Variants in TRRAP observed in about 807,000 individuals in gnomAD.
The protein encoded by TRRAP is transformation/transcription domain associated protein.
Under a neutral mutation model 438.8 loss-of-function variants are expected in TRRAP, and 41 were observed. The ratio of observed to expected loss-of-function variants is 0.09; its 90% confidence interval spans 0.07 to 0.12. The LOEUF is 0.12. Among genes scored for constraint, TRRAP ranks in the 10% least tolerant of loss-of-function variants. The probability of loss-of-function intolerance (pLI) is 1.00; values close to 1 mark genes in which losing one functional copy is unlikely to be tolerated. For missense variants in TRRAP, 3,122 were observed against 5,055.1 expected (o/e 0.62, Z 11.60); for synonymous variants, 1,994 against 1,962.9 (o/e 1.02, Z -0.42).
intron 53 of TRRAP, 173 bp from the exon 54 acceptor site, chr7:98,975,976 A>T (rs1792636410): frequency 1.2e-6 from 1 of 842,094 alleles, no homozygotes; most frequent in Admixed American, 3.2e-5. Flanking sequence ...GCTTCCCACC[A>T]CTCAGGATCT....
At chr7:98,918,178 A>G (rs1244768583) in intron 20 of TRRAP, among the ~76,000 whole-genome samples, 1 of 139,686 alleles carries the variant, frequency 7.2e-6, no homozygotes, top group Non-Finnish European at 1.5e-5. Context: ...AATGGACATT[A>G]TTTTGCAGCC....
At chr7:98,990,977 A>AT (rs1171099300) in intron 64 of TRRAP, among the ~76,000 whole-genome samples, 3 of 152,158 alleles carry the variant, frequency 2.0e-5, no homozygotes, top group Non-Finnish European at 2.9e-5. Flanking sequence ...TTTTCCTCTG[A>AT]TTTTTTGTCA....
chr7:98,992,409 C>G (rs111970715), intron 65 of TRRAP, among the ~76,000 whole-genome samples, 182 bp downstream of exon 65: 3 of 152,228 alleles, frequency 2.0e-5, no homozygotes, highest in Non-Finnish European at 4.4e-5. Flanking sequence ...TACAGTCTCT[C>G]TTTTGCCAGG....
At position 99,004,316 on chromosome 7, in the gene TRRAP, G is replaced by T; in HGVS notation, c.10436G>T (p.Cys3479Phe). 1 of 1,614,240 alleles carries T rather than the reference G, an allele frequency of 6.2e-7. No individual in the cohort carries two copies. Among genetic ancestry groups the T allele is most frequent in the Non-Finnish European group, 8.5e-7 (1 of 1,180,048 alleles). ...LPKFFLIEEK[C>F]RFLSNFSAQT... ...AAATTCTTCCTCATAGAGGAAAAGT[G>T]CCGGTTCTTGAGCAATTTCTCGGCA... The change falls in exon 68 of 73, where the codon TGC becomes TTC. Residue 3479 changes from cysteine to phenylalanine, a missense_variant. By Grantham distance (205) the Cys-to-Phe change is radical. Around this residue, in one of 24 missense-constraint regions of TRRAP, gnomAD observed 107 missense variants for 327.5 expected, o/e 0.33. Transcript: ENST00000456197.
chr7:98,882,818 C>T (rs1795515938), intron 3 of TRRAP, among the ~76,000 whole-genome samples: 1 of 151,498 alleles, frequency 6.6e-6, no homozygotes, highest in South Asian at 2.1e-4. Flanking sequence ...TGCACCACAC[C>T]CGGCTGATTT....
intron 58 of TRRAP, 82 bp downstream of exon 58, chr7:98,978,986 A>C: frequency 1.3e-6 from 2 of 1,567,484 alleles, no homozygotes; most frequent in South Asian, 2.3e-5. Context: ...GATTTCCCTT[A>C]GAACAAGCAT....
intron 47 of TRRAP, among the ~76,000 whole-genome samples, chr7:98,962,767 A>G (rs892079319): frequency 2.0e-5 from 3 of 152,196 alleles, no homozygotes; most frequent in Admixed American, 6.5e-5. Flanking sequence ...TTTCACCACC[A>G]GCCTGCCTGT....
At chr7:98,944,892 C>A (rs1043037327) in intron 31 of TRRAP, among the ~76,000 whole-genome samples, 1 of 152,138 alleles carries the variant, frequency 6.6e-6, no homozygotes, top group Non-Finnish European at 1.5e-5. Context: ...GGAGCCTCCA[C>A]CTCCTGGGTT....
intron 23 of TRRAP, among the ~76,000 whole-genome samples, chr7:98,928,083 A>G (rs983131190): frequency 8.5e-5 from 13 of 152,098 alleles, no homozygotes; most frequent in African/African-American, 2.4e-4. Flanking sequence ...TACTAAAAAT[A>G]CCAAATTAGC....
rs1433872387 is a variant in TRRAP, at chr7:98,921,844, T to C, written c.2714T>C (p.Met905Thr). Residue 905 changes from methionine to threonine, a missense_variant, in exon 21 of 73, where the codon ATG (methionine) becomes ACG (threonine). Met to Thr is a moderately conservative substitution (Grantham distance 81). Transcript: ENST00000456197. Reference protein sequence around the residue: ...LGKFGGSNRKMLKESQKLHYV... With the variant: ...LGKFGGSNRKTLKESQKLHYV... ...AAGTTTGGCGGCAGTAACAGGAAGA[T>C]GCTGAAGGAGTCGCAGAAGCTGCAC... 2.5e-5 allele frequency: 40 copies of C among 1,614,078 alleles called. No individual in the cohort carries two copies. Among genetic ancestry groups the C allele is most frequent in the Non-Finnish European group, 3.3e-5 (39 of 1,180,038 alleles).
rs112253894 is a variant in TRRAP at position 99,012,224 on chromosome 7, G to A, written c.11491G>A (p.Ala3831Thr). 4 of 1,614,074 alleles carry A rather than the reference G, an allele frequency of 2.5e-6. No individual in the cohort carries two copies. Among genetic ancestry groups the A allele is most frequent in the Non-Finnish European group, 2.5e-6 (3 of 1,179,980 alleles). ...LVSLVQKAVT[A>T]IMTRLHNLAQ... Reference sequence around the variant, plus strand: ...GTCCCTGGTTCAGAAAGCCGTCACCGCCATCATGACCCGCCTGCACAACCT... The same window carrying A: ...GTCCCTGGTTCAGAAAGCCGTCACCACCATCATGACCCGCCTGCACAACCT... Residue 3831 changes from alanine to threonine, a missense_variant, in exon 73 of 73, where the codon GCC (alanine) becomes ACC (threonine). By Grantham distance (58) the Ala-to-Thr change is moderately conservative (BLOSUM62 0). Around this residue, in one of 24 missense-constraint regions of TRRAP, gnomAD observed 192 missense variants for 355.6 expected, o/e 0.54. Transcript: ENST00000456197. This position sits in a 1 kb window ranked among gnomAD's most constrained non-coding sequence, Gnocchi z 5.9.
chr7:98,936,633 C>G (rs1191060496), intron 28 of TRRAP, among the ~76,000 whole-genome samples: 2 of 152,166 alleles, frequency 1.3e-5, no homozygotes, highest in Non-Finnish European at 2.9e-5. Context: ...ACTGGAGGAC[C>G]AGAGACCGTG....
chr7:98,951,838 C>G (rs1246619155), intron 39 of TRRAP, among the ~76,000 whole-genome samples: 1 of 152,172 alleles, frequency 6.6e-6, no homozygotes, highest in Non-Finnish European at 1.5e-5. Context: ...TATTCTTGGT[C>G]CCCGTACTGA....
At chr7:98,931,152 C>A (rs1395396621) in intron 25 of TRRAP, among the ~76,000 whole-genome samples, 1 of 152,234 alleles carries the variant, frequency 6.6e-6, no homozygotes, top group Admixed American at 6.5e-5. Flanking sequence ...ATATGACTCA[C>A]ACCAGTAGAA....
chr7:98,995,813 G>A (rs571338240), intron 67 of TRRAP, among the ~76,000 whole-genome samples: 124 of 148,154 alleles, frequency 8.4e-4, no homozygotes, highest in Admixed American at 2.3e-3. Context: ...ACACACCCGC[G>A]TCCCATCTAC....
intron 59 of TRRAP, among the ~76,000 whole-genome samples, chr7:98,983,002 A>G (rs1442374985): frequency 6.6e-6 from 1 of 152,162 alleles, no homozygotes; most frequent in Non-Finnish European, 1.5e-5. Flanking sequence ...TGTCTGTACC[A>G]TCGTTCTCCC....
intron 70 of TRRAP, 38 bp downstream of exon 70, chr7:99,008,599 T>C: frequency 6.2e-7 from 1 of 1,605,064 alleles, no homozygotes; most frequent in Non-Finnish European, 8.5e-7. Context: ...AGCTGCCGCC[T>C]GCAGCCCTCC....
intron 67 of TRRAP, among the ~76,000 whole-genome samples, chr7:99,001,302 TC>T (rs2116843862): frequency 6.6e-6 from 1 of 152,334 alleles, no homozygotes; most frequent in African/African-American, 2.4e-5. Flanking sequence ...AGCCCGGTCC[TC>T]CCCGTCTATA....
intron 67 of TRRAP, among the ~76,000 whole-genome samples, chr7:98,996,134 A>G (rs1032852881): frequency 1.3e-5 from 2 of 150,836 alleles, no homozygotes; most frequent in Non-Finnish European, 3.0e-5. Flanking sequence ...CCCTCATCCC[A>G]TCATACACAC....
Sources: gnomAD v4.1 joint callset for allele counts (sites outside exome capture counted in the v4.1 genomes callset) on GRCh38, gnomAD v4.1.1 for gene constraint, gnomAD v4.1.1 regional missense constraint, Gnocchi (gnomAD v3.1) non-coding constraint, MANE v1.5 for transcripts, NCBI Gene and HGNC (gene_info 2026-07-23, HGNC 2026-07-21) for gene names.